The following PTPRD variants were observed in gnomAD, a reference collection of about 807,000 sequenced individuals.
The protein encoded by PTPRD is receptor-type tyrosine-protein phosphatase delta.
Under a neutral mutation model 214.5 loss-of-function variants are expected in PTPRD, and 34 were observed. The observed-to-expected ratio is 0.16, with a 90% CI of 0.12 to 0.21. The LOEUF (loss-of-function observed/expected upper bound fraction) is 0.21, where lower values mean the gene tolerates loss of function less well. Ranked by LOEUF, PTPRD falls within the 10% of genes least tolerant of loss-of-function variation. The pLI, the probability that PTPRD is intolerant of heterozygous loss-of-function variation, is 1.00. For synonymous variants in PTPRD, 1,128 were observed against 845.7 expected, an observed-to-expected ratio of 1.33 and a Z score of -5.79; for missense variants, 2,545 against 2,398.7, an observed-to-expected ratio of 1.06 and a Z score of -1.27.
Position 8,727,503 on chromosome 9 carries a change from G to A in PTPRD, c.64+6277C>T, listed in dbSNP as rs759303067. ...CACCTCTACTAATTTAGAGAAAAGA[G>A]AAACAATGAAGGCTGATAAACATGG... On this transcript the variant is annotated intron_variant, in intron 12 of 45. Transcript: ENST00000381196. 2.6e-5 allele frequency among the ~76,000 whole-genome samples: 4 copies of A among 152,202 alleles called. No individual in the cohort carries two copies. In the South Asian group the frequency reaches 8.3e-4, roughly 32 times the overall value.
intron 10 of PTPRD, among the ~76,000 whole-genome samples, chr9:9,122,954 G>A (rs1373806): frequency 6.6e-6 from 1 of 152,102 alleles, no homozygotes; most frequent in Non-Finnish European, 1.5e-5. Flanking sequence ...AATAGAGTTT[G>A]TGACATGGGG....
intron 10 of PTPRD, among the ~76,000 whole-genome samples, chr9:9,090,325 C>T (rs1479057760): frequency 6.6e-6 from 1 of 152,114 alleles, no homozygotes; most frequent in African/African-American, 2.4e-5. Flanking sequence ...TCTGTCTATG[C>T]CTGGCTTATT....
intron 3 of PTPRD, among the ~76,000 whole-genome samples, chr9:10,097,427 G>A (rs1445023362): frequency 1.3e-5 from 2 of 150,400 alleles, no homozygotes; most frequent in East Asian, 4.0e-4. Context: ...GCAGTGTTTT[G>A]TAGTTCTCCT....
chr9:10,459,114 G>A (rs768132274), intron 2 of PTPRD, among the ~76,000 whole-genome samples: 7 of 151,980 alleles, frequency 4.6e-5, no homozygotes, highest in Non-Finnish European at 8.8e-5. Flanking sequence ...TGTTCTCATC[G>A]TTCAGCTCCC....
At position 8,316,475 on chromosome 9, in the gene PTPRD, T is replaced by C. The variant is rs1051453922; in HGVS notation, c.*1399A>G. 3.9e-5 allele frequency: 9 copies of C among 230,550 alleles called. No individual in the cohort carries two copies. Among genetic ancestry groups the C allele is most frequent in the African/African-American group, 1.6e-4 (7 of 44,976 alleles). 14.3% of individuals were successfully genotyped at this position (230,550 alleles called of 1,614,324 possible). A position where few individuals can be genotyped will look rare whatever the true frequency, so the allele number is the denominator to read the frequency against. On this transcript the variant is annotated 3_prime_UTR_variant, in exon 46 of 46. Coordinates refer to ENST00000381196, the MANE Select transcript of PTPRD (RefSeq NM_002839.4). ...CTTTGCCCCTGTTACATATCATAAATGCAAATTTCATAGCACATACTATAG... is the reference window on the plus strand; with the variant it reads ...CTTTGCCCCTGTTACATATCATAAACGCAAATTTCATAGCACATACTATAG...
chr9:8,896,245 A>G (rs1220482264), intron 11 of PTPRD, among the ~76,000 whole-genome samples: 1 of 152,244 alleles, frequency 6.6e-6, no homozygotes, highest in Non-Finnish European at 1.5e-5. Flanking sequence ...AGGCAGAGGA[A>G]GCTTCTGTTA....
At chr9:9,269,015 C>A (rs1941564223) in intron 9 of PTPRD, among the ~76,000 whole-genome samples, 1 of 149,532 alleles carries the variant, frequency 6.7e-6, no homozygotes, top group Non-Finnish European at 1.5e-5. Flanking sequence ...CAACTGGAAA[C>A]ACATCAAGCT....
intron 10 of PTPRD, among the ~76,000 whole-genome samples, chr9:9,154,124 G>A (rs1158073610): frequency 1.3e-5 from 2 of 152,210 alleles, no homozygotes; most frequent in African/African-American, 2.4e-5. Context: ...GTATGATCCT[G>A]GGAGCTGCAA....
intron 14 of PTPRD, among the ~76,000 whole-genome samples, chr9:8,532,839 C>A (rs953001102): frequency 2.0e-4 from 30 of 151,782 alleles, no homozygotes; most frequent in Non-Finnish European, 4.0e-4. Context: ...AATATAGCAC[C>A]CTCTTTGAAT....
rs571630065 is a variant in PTPRD, at chr9:9,460,014, G to A, written c.-236-62532C>T. 1.4e-4 allele frequency among the ~76,000 whole-genome samples: 21 copies of A among 151,996 alleles called. 1 individual carries two copies. Among genetic ancestry groups the A allele is most frequent in the Admixed American group, 7.9e-4 (12 of 15,238 alleles). ...AAATAGACACATCGATCAACAGAAC[G>A]GAAGACAGAACCCAGAAATACAGCC... is the stretch of plus-strand genomic sequence containing the variant. On this transcript the variant is annotated intron_variant, in intron 8 of 45. Transcript: ENST00000381196.
chr9:10,336,685 A>T (rs12001268), intron 3 of PTPRD, among the ~76,000 whole-genome samples: 124 of 151,576 alleles, frequency 8.2e-4, no homozygotes, highest in African/African-American at 2.8e-3. Context: ...AAGAATGAAT[A>T]AAAAAAATCG....
intron 8 of PTPRD, among the ~76,000 whole-genome samples, chr9:9,401,225 T>C (rs993361174): frequency 3.3e-5 from 5 of 152,096 alleles, no homozygotes; most frequent in African/African-American, 9.7e-5. Context: ...TTCAGTAATA[T>C]CACTGAAATA....
intron 8 of PTPRD, among the ~76,000 whole-genome samples, chr9:9,572,382 A>G (rs2086716285): frequency 6.6e-6 from 1 of 151,334 alleles, no homozygotes; most frequent in Admixed American, 6.6e-5. Context: ...TTGAATCAGG[A>G]TTATTACTTC....
At chr9:9,379,196 G>GATAT (rs61595587) in intron 9 of PTPRD, among the ~76,000 whole-genome samples, 2,795 of 145,172 alleles carry the variant, frequency 0.019, 105 homozygotes, top group African/African-American at 0.067. Context: ...TCTATGTTGA[G>GATAT]ATATATATAT....
intron 3 of PTPRD, among the ~76,000 whole-genome samples, chr9:10,222,745 G>A (rs762712025): frequency 1.3e-5 from 2 of 151,928 alleles, no homozygotes; most frequent in Non-Finnish European, 2.9e-5. Flanking sequence ...AATTCCTAAT[G>A]GGTATTGTTC....
chr9:9,855,938 G>C (rs928340219), intron 5 of PTPRD, among the ~76,000 whole-genome samples: 4 of 152,204 alleles, frequency 2.6e-5, no homozygotes, highest in African/African-American at 9.6e-5. Flanking sequence ...AAAGGGGCCA[G>C]TGTGACAGCA....
At chr9:8,738,805 A>C (rs1189656245) in intron 11 of PTPRD, among the ~76,000 whole-genome samples, 9 of 152,202 alleles carry the variant, frequency 5.9e-5, no homozygotes, top group Non-Finnish European at 8.8e-5. Context: ...CTGTCACTTA[A>C]AACTAGGTAT....
At chr9:10,028,905 G>C (rs1280032017) in intron 4 of PTPRD, among the ~76,000 whole-genome samples, 1 of 152,142 alleles carries the variant, frequency 6.6e-6, no homozygotes, top group African/African-American at 2.4e-5. Flanking sequence ...GGGCATGTCA[G>C]AGGTCTTCAC....
At chr9:8,346,175 A>AAAAT (rs1332864811) in intron 39 of PTPRD, among the ~76,000 whole-genome samples, 1 of 143,212 alleles carries the variant, frequency 7.0e-6, no homozygotes, top group East Asian at 2.1e-4. Flanking sequence ...CTTACCCTGC[A>AAAAT]AAATAATAAA....
Sources: allele counts gnomAD v4.1 joint callset (sites outside exome capture counted in the v4.1 genomes callset), GRCh38; gene constraint gnomAD v4.1.1; transcripts MANE v1.5; gene names NCBI Gene and HGNC (gene_info 2026-07-23, HGNC 2026-07-21).